The following DRD4 variants were observed in gnomAD, a reference collection of about 807,000 sequenced individuals.
The protein encoded by DRD4 is dopamine receptor D4.
Under a neutral mutation model 22.1 loss-of-function variants are expected in DRD4, and 26 were observed. That is an observed-to-expected ratio of 1.17 (90% CI 0.86 to 1.63). The LOEUF (loss-of-function observed/expected upper bound fraction) is 1.63. Among genes scored for constraint, DRD4 ranks in the 40% most tolerant of loss-of-function variants. The probability of loss-of-function intolerance (pLI) is 0.00; values close to 1 mark genes in which losing one functional copy is unlikely to be tolerated. For missense variants in DRD4, 913 were observed against 632.4 expected, an observed-to-expected ratio of 1.44 and a Z score of -4.76; for synonymous variants, 455 against 306.7, an observed-to-expected ratio of 1.48 and a Z score of -5.05.
rs1382058392 is a variant in DRD4 at position 637,371 on chromosome 11, TC to T, written c.68del (p.Ser23LeufsTer35). 3 of 1,150,158 alleles carry T rather than the reference TC, an allele frequency of 2.6e-6. No homozygotes were observed. The African/African-American group carries it at 4.9e-5, about 19-fold the overall frequency. The allele number at this position is 1,150,158 out of a possible 1,614,324, so 71.2% of individuals were successfully genotyped here. On this transcript the variant is annotated frameshift_variant, in exon 1 of 4. Transcript: ENST00000176183. LOFTEE classifies it high-confidence loss of function. Reference sequence around the variant, plus strand: ...TGGGCGCGGGCCGGCCGCGGGGGCATCTGCGGGGGCATCTGCGGGGCTGGCT... The same window carrying T: ...TGGGCGCGGGCCGGCCGCGGGGGCATTGCGGGGGCATCTGCGGGGCTGGCT... ...LAGRGPAAGASAGASAGLAGQ... is the reference protein window; with the variant it reads ...LAGRGPAAGAXAGASAGLAGQ...
chr11:639,953 C>A lies in DRD4; in HGVS notation c.704C>A (p.Pro235His). The change falls in exon 3 of 4, where the codon CCC (proline) becomes CAC (histidine). Residue 235 changes from proline to histidine, a missense_variant. Transcript: ENST00000176183. ...CGCGCCAAGCTGCACGGCCGCGCGCCCCGCCGACCCAGCGGCCCTGGCCCG... is the reference window on the plus strand; with the variant it reads ...CGCGCCAAGCTGCACGGCCGCGCGCACCGCCGACCCAGCGGCCCTGGCCCG... ...ARRAKLHGRA[P>H]RRPSGPGPPS... The A allele has an allele frequency of 6.7e-7, 1 of 1,499,726 alleles. No individual in the cohort carries two copies. Among genetic ancestry groups the A allele is most frequent in the Non-Finnish European group, 8.8e-7 (1 of 1,130,700 alleles). The allele number at this position is 1,499,726 out of a possible 1,614,324, so 92.9% of individuals were successfully genotyped here. A position where few individuals can be genotyped will look rare whatever the true frequency, so the allele number is the denominator to read the frequency against.
In DRD4 at chr11:640,200, A is replaced by G; in HGVS notation, c.951A>G (p.Arg317=). 1 of 1,527,380 alleles carries G rather than the reference A, an allele frequency of 6.5e-7. No homozygotes were observed. Among genetic ancestry groups the G allele is most frequent in the Non-Finnish European group, 8.7e-7 (1 of 1,144,574 alleles). 94.6% of individuals were successfully genotyped at this position (1,527,380 alleles called of 1,614,324 possible). The change falls in exon 3 of 4, where the codon AGA becomes AGG. Residue 317 remains arginine, a synonymous_variant. Transcript: ENST00000176183. ...GSNCAPPDAV[R]AAALPPQTPP... ...ACTGTGCTCCCCCCGACGCCGTCAG[A>G]GCCGCCGCGCTCCCACCCCAGACTC...
Position 637,575 on chromosome 11 carries a change from T to A in DRD4, c.271T>A (p.Phe91Ile), listed in dbSNP as rs768422244. ...CCTCGCTCTCCTGGTGCTGCCGCTC[T>A]TCGTCTACTCCGAGGTGAGCCGCGT... is the stretch of plus-strand genomic sequence containing the variant. ...LLLALLVLPL[F>I]VYSEVQGGAW... is the part of the protein sequence containing the mutation. The change falls in exon 1 of 4, where the codon TTC becomes ATC. Residue 91 changes from phenylalanine to isoleucine, a missense_variant. Transcript: ENST00000176183. 1 of 1,552,160 alleles carries A rather than the reference T, an allele frequency of 6.4e-7. No individual in the cohort carries two copies. The highest frequency in any genetic ancestry group is 1.2e-5 in the South Asian group (1 of 84,594).
chr11:639,199 G>A, intron 1 of DRD4: 1 of 540,960 alleles, frequency 1.8e-6, no homozygotes, highest in Non-Finnish European at 3.4e-6. Flanking sequence ...AGGCTACAGT[G>A]AGCCATGATG....
Position 639,870 on chromosome 11 carries a change from C to T in DRD4, c.621C>T (p.Leu207=), listed in dbSNP as rs1858169640. ...GCTCCTTCTTCCTACCCTGCCCGCT[C>T]ATGCTGCTGCTCTACTGGGCCACGT... The part of the protein sequence containing the change: ...SVCSFFLPCP[L]MLLLYWATFR... Residue 207 remains leucine, a synonymous_variant, in exon 3 of 4, where the codon CTC becomes CTT. Transcript: ENST00000176183. The T allele has an allele frequency of 4.4e-6, 7 of 1,584,372 alleles. No individual in the cohort carries two copies. The highest frequency in any genetic ancestry group is 6.0e-6 in the Non-Finnish European group (7 of 1,172,906).
At chr11:638,874 T>C (rs1564912649) in intron 1 of DRD4, among the ~76,000 whole-genome samples, 2 of 152,200 alleles carry the variant, frequency 1.3e-5, no homozygotes, top group African/African-American at 4.8e-5. Flanking sequence ...GGCAGGAGGA[T>C]AGTTTGAGAC....
At position 640,205 on chromosome 11, in the gene DRD4, C is replaced by T. The variant is rs772551041; in HGVS notation, c.956C>T (p.Ala319Val). 5 of 1,531,028 alleles carry T rather than the reference C, an allele frequency of 3.3e-6. No individual in the cohort carries two copies. The South Asian group carries it at 4.8e-5, about 15-fold the overall frequency. The allele number at this position is 1,531,028 out of a possible 1,614,324, so 94.8% of individuals were successfully genotyped here. A position where few individuals can be genotyped will look rare whatever the true frequency, so the allele number is the denominator to read the frequency against. ...GCTCCCCCCGACGCCGTCAGAGCCGCCGCGCTCCCACCCCAGACTCCACCG... is the reference window on the plus strand; with the variant it reads ...GCTCCCCCCGACGCCGTCAGAGCCGTCGCGCTCCCACCCCAGACTCCACCG... ...NCAPPDAVRA[A>V]ALPPQTPPQT... The change falls in exon 3 of 4, where the codon GCC (alanine) becomes GTC (valine). Residue 319 changes from alanine to valine, a missense_variant. Physicochemically the swap from Ala to Val is moderately conservative, Grantham distance 64. Transcript: ENST00000176183.
chr11:640,279 G>C lies in DRD4; in HGVS notation c.1030G>C (p.Ala344Pro). The part of the protein sequence containing the change: ...RAKITGRERK[A>P]MRVLPVVVGA... ...CAAGATCACCGGCCGGGAGCGCAAG[G>C]CCATGAGGGTCCTGCCGGTGGTGGT... Residue 344 changes from alanine to proline, a missense_variant, in exon 3 of 4, where the codon GCC (alanine) becomes CCC (proline). Ala to Pro is a conservative substitution (Grantham distance 27, BLOSUM62 -1). Transcript: ENST00000176183. The C allele has an allele frequency of 1.3e-6, 2 of 1,534,484 alleles. No homozygotes were observed. Among genetic ancestry groups the C allele is most frequent in the Non-Finnish European group, 1.7e-6 (2 of 1,147,218 alleles).
At position 640,307 on chromosome 11, in the gene DRD4, GT is replaced by G. The variant is rs1366970865; in HGVS notation, c.1057+2del. 1.3e-6 allele frequency: 2 copies of G among 1,538,558 alleles called. No homozygotes were observed. Among genetic ancestry groups the G allele is most frequent in the African/African-American group, 2.7e-5 (2 of 73,672 alleles). ...ATGAGGGTCCTGCCGGTGGTGGTCG[GT>G]GGGTTCCTGTCCTGAGGGGCGGGGA... On this transcript the variant is annotated splice_donor_variant, in intron 3 of 3. Transcript: ENST00000176183. LOFTEE classifies it high-confidence loss of function.
In DRD4 at chr11:637,492, G is replaced by A. The variant is rs540632972; in HGVS notation, c.188G>A (p.Arg63His). 9 of 1,549,370 alleles carry A rather than the reference G, an allele frequency of 5.8e-6. No homozygotes were observed. In the Admixed American group the frequency reaches 9.6e-5, roughly 17 times the overall value. Reference protein sequence around the residue: ...SLVCVSVATERALQTPTNSFI... With the variant: ...SLVCVSVATEHALQTPTNSFI... ...GTGTGCGTGAGCGTGGCCACCGAGC[G>A]CGCCCTGCAGACGCCCACCAACTCC... Residue 63 changes from arginine (R) to histidine (H), a missense_variant, in exon 1 of 4, where the codon CGC becomes CAC. Coordinates refer to ENST00000176183, the MANE Select transcript of DRD4 (RefSeq NM_000797.4).
In DRD4 at chr11:637,554, G is replaced by A. The variant is rs145562859; in HGVS notation, c.250G>A (p.Ala84Thr). 2.9e-4 allele frequency: 455 copies of A among 1,560,404 alleles called. No homozygotes were observed. The East Asian group carries it at 5.0e-3, about 17-fold the overall frequency. The change falls in exon 1 of 4, where the codon GCT becomes ACT. Residue 84 changes from alanine (A) to threonine (T), a missense_variant. By Grantham distance (58) the Ala-to-Thr change is moderately conservative. Coordinates refer to ENST00000176183, the MANE Select transcript of DRD4 (RefSeq NM_000797.4). ...CCTGGCGGCCGCCGACCTCCTCCTC[G>A]CTCTCCTGGTGCTGCCGCTCTTCGT... Reference protein sequence around the residue: ...VSLAAADLLLALLVLPLFVYS... With the variant: ...VSLAAADLLLTLLVLPLFVYS...
chr11:640,145 C>A lies in DRD4; in HGVS notation c.896C>A (p.Pro299His), dbSNP rs1858191906. 6.8e-7 allele frequency: 1 copy of A among 1,476,016 alleles called. No homozygotes were observed. The highest frequency in any genetic ancestry group is 8.9e-7 in the Non-Finnish European group (1 of 1,118,978). 91.4% of individuals were successfully genotyped at this position (1,476,016 alleles called of 1,614,324 possible). ...GGCCCCGACTGTGCGCCCCCCGCGC[C>A]CGGCCTCCCCCCGGACCCCTGCGGC... The part of the protein sequence containing the change: ...PCGPDCAPPA[P>H]GLPPDPCGSN... The change falls in exon 3 of 4, where the codon CCC becomes CAC. Residue 299 changes from proline to histidine, a missense_variant. Coordinates refer to ENST00000176183, the MANE Select transcript of DRD4 (RefSeq NM_000797.4).
In DRD4 at chr11:639,698, G is replaced by T; in HGVS notation, c.449G>T (p.Arg150Leu). ...PLRYNRQGGSRRQLLLIGATW... is the reference protein window; with the variant it reads ...PLRYNRQGGSLRQLLLIGATW... ...CGCTACAACCGGCAGGGTGGGAGCCGCCGGCAGCTGCTGCTCATCGGCGCC... is the reference window on the plus strand; with the variant it reads ...CGCTACAACCGGCAGGGTGGGAGCCTCCGGCAGCTGCTGCTCATCGGCGCC... The change falls in exon 3 of 4, where the codon CGC becomes CTC. Residue 150 changes from arginine to leucine, a missense_variant. Physicochemically the swap from Arg to Leu is moderately radical, Grantham distance 102. Transcript: ENST00000176183. 1 of 1,481,924 alleles carries T rather than the reference G, an allele frequency of 6.7e-7. No individual in the cohort carries two copies. The highest frequency in any genetic ancestry group is 8.9e-7 in the Non-Finnish European group (1 of 1,122,034). The allele number at this position is 1,481,924 out of a possible 1,614,324, so 91.8% of individuals were successfully genotyped here.
At position 639,806 on chromosome 11, in the gene DRD4, G is replaced by T; in HGVS notation, c.557G>T (p.Arg186Leu). The change falls in exon 3 of 4, where the codon CGC becomes CTC. Residue 186 changes from arginine to leucine, a missense_variant. Transcript: ENST00000176183. ...CGCGGCCGCGACCCCGCCGTGTGCCGCCTGGAGGACCGCGACTACGTGGTC... is the reference window on the plus strand; with the variant it reads ...CGCGGCCGCGACCCCGCCGTGTGCCTCCTGGAGGACCGCGACTACGTGGTC... ...DVRGRDPAVC[R>L]LEDRDYVVYS... The T allele has an allele frequency of 6.3e-7, 1 of 1,582,038 alleles. No homozygotes were observed. Among genetic ancestry groups the T allele is most frequent in the Non-Finnish European group, 8.5e-7 (1 of 1,172,234 alleles).
At position 639,982 on chromosome 11, in the gene DRD4, T is replaced by G. The variant is rs1251336042; in HGVS notation, c.733T>G (p.Ser245Ala). 3 of 1,329,688 alleles carry G rather than the reference T, an allele frequency of 2.3e-6. No individual in the cohort carries two copies. Among genetic ancestry groups the G allele is most frequent in the Non-Finnish European group, 2.9e-6 (3 of 1,051,040 alleles). 82.4% of individuals were successfully genotyped at this position (1,329,688 alleles called of 1,614,324 possible). A position where few individuals can be genotyped will look rare whatever the true frequency, so the allele number is the denominator to read the frequency against. The change falls in exon 3 of 4, where the codon TCC (serine) becomes GCC (alanine). Residue 245 changes from serine (S) to alanine (A), a missense_variant. By Grantham distance (99) the Ser-to-Ala change is moderately conservative. Transcript: ENST00000176183. ...CCGACCCAGCGGCCCTGGCCCGCCT[T>G]CCCCCACGCCACCCGCGCCCCGCCT... The part of the protein sequence containing the change: ...PRRPSGPGPP[S>A]PTPPAPRLPQ...
intron 1 of DRD4, among the ~76,000 whole-genome samples, chr11:638,591 ATCATCACCCTT>A (rs1858122484): frequency 6.6e-6 from 1 of 152,148 alleles, no homozygotes; most frequent in Non-Finnish European, 1.5e-5. Context: ...TGTGGATACT[ATCATCACCCTT>A]GTCTTACAGA....
chr11:640,501 C>T lies in DRD4; in HGVS notation c.1158C>T (p.Thr386=). The T allele has an allele frequency of 1.2e-6, 2 of 1,601,924 alleles. No individual in the cohort carries two copies. Among genetic ancestry groups the T allele is most frequent in the South Asian group, 1.1e-5 (1 of 91,090 alleles). Residue 386 remains threonine, a synonymous_variant, in exon 4 of 4, where the codon ACC becomes ACT. Coordinates refer to ENST00000176183, the MANE Select transcript of DRD4 (RefSeq NM_000797.4). ...CCCCGCGGCTGGTCAGCGCCGTCAC[C>T]TGGCTGGGCTACGTCAACAGCGCCC... ...SVPPRLVSAV[T]WLGYVNSALN... is the part of the protein sequence containing the mutation.
rs1858083332 is a variant in DRD4, at chr11:637,374, GC to G, written c.71del (p.Ala24GlyfsTer34). 1 of 1,342,030 alleles carries G rather than the reference GC, an allele frequency of 7.5e-7. No homozygotes were observed. The highest frequency in any genetic ancestry group is 9.5e-7 in the Non-Finnish European group (1 of 1,055,490). The allele number at this position is 1,342,030 out of a possible 1,614,324, so 83.1% of individuals were successfully genotyped here. A position where few individuals can be genotyped will look rare whatever the true frequency, so the allele number is the denominator to read the frequency against. On this transcript the variant is annotated frameshift_variant, in exon 1 of 4. Coordinates refer to ENST00000176183, the MANE Select transcript of DRD4 (RefSeq NM_000797.4). LOFTEE classifies it high-confidence loss of function. Reference sequence around the variant, plus strand: ...GCGCGGGCCGGCCGCGGGGGCATCTGCGGGGGCATCTGCGGGGCTGGCTGGG... The same window carrying G: ...GCGCGGGCCGGCCGCGGGGGCATCTGGGGGGCATCTGCGGGGCTGGCTGGG... ...AGRGPAAGASAGASAGLAGQG... is the reference protein window; with the variant it reads ...AGRGPAAGASXGASAGLAGQG...
At position 639,513 on chromosome 11, in the gene DRD4, C is replaced by T. The variant is rs1445628295; in HGVS notation, c.366C>T (p.Ser122=). ...MAMDVMLCTA[S]IFNLCAISVD... ...TGGACGTCATGCTGTGCACCGCCTC[C>T]ATCTTCAACCTGTGCGCCATCAGCG... The change falls in exon 2 of 4, where the codon TCC becomes TCT. Residue 122 remains serine (S), a synonymous_variant. Coordinates refer to ENST00000176183, the MANE Select transcript of DRD4 (RefSeq NM_000797.4). 6 of 1,602,092 alleles carry T rather than the reference C, an allele frequency of 3.7e-6. No individual in the cohort carries two copies. The highest frequency in any genetic ancestry group is 1.3e-5 in the African/African-American group (1 of 74,694).
Sources: allele counts gnomAD v4.1 joint callset (sites outside exome capture counted in the v4.1 genomes callset), GRCh38; gene constraint gnomAD v4.1.1; transcripts MANE v1.5; gene names NCBI Gene and HGNC (gene_info 2026-07-23, HGNC 2026-07-21).